SBSPON: variants seen among roughly 807,000 people sequenced by gnomAD.
The protein encoded by SBSPON is somatomedin-B and thrombospondin type-1 domain-containing protein.
A neutral mutation model predicts 35.8 loss-of-function variants in SBSPON; 30 were observed. The observed-to-expected ratio is 0.84, with a 90% CI of 0.63 to 1.14. The LOEUF is 1.14. SBSPON is among the 50% of genes most tolerant of loss of function. SBSPON has a pLI of 0.00. For synonymous variants in SBSPON, 136 were observed against 135.9 expected (o/e 1.00, Z 0.00); for missense variants, 364 against 357.7 (o/e 1.02, Z -0.14).
chr8:73,082,330 C>G (rs1423868266), intron 1 of SBSPON, among the ~76,000 whole-genome samples: 3 of 152,092 alleles, frequency 2.0e-5, no homozygotes, highest in Non-Finnish European at 2.9e-5. Flanking sequence ...TTTTTTTCCC[C>G]TTGAAGTGTG....
chr8:73,073,776 C>T (rs1172382712), intron 2 of SBSPON, among the ~76,000 whole-genome samples: 1 of 151,638 alleles, frequency 6.6e-6, no homozygotes, highest in Non-Finnish European at 1.5e-5. Context: ...TGCACTGCAG[C>T]CTGGGCAACA....
At chr8:73,087,112 C>G (rs1420763740) in intron 1 of SBSPON, among the ~76,000 whole-genome samples, 2 of 152,172 alleles carry the variant, frequency 1.3e-5, no homozygotes, top group Non-Finnish European at 2.9e-5. Context: ...AAGCCTTGCT[C>G]ACTCTGTTGG....
At chr8:73,075,429 T>C (rs1039443365) in intron 2 of SBSPON, among the ~76,000 whole-genome samples, 1 of 152,154 alleles carries the variant, frequency 6.6e-6, no homozygotes, top group South Asian at 2.1e-4. Flanking sequence ...TATTTTTGCC[T>C]CCCGCCACAC....
rs200895006 is a variant in SBSPON, at chr8:73,069,980, A to T, written c.502T>A (p.Tyr168Asn). The stretch of plus-strand genomic sequence containing the variant: ...GACTCTGTCTTAAACTCCATACAGT[A>T]TCTACAGCAAAAGAAGTAACAATGA... ...HWSTHTEDAG[Y>N]CMEFKTESLT... The change falls in exon 4 of 5, where the codon TAC becomes AAC. Residue 168 changes from tyrosine to asparagine, a missense_variant and splice_region_variant. Physicochemically the swap from Tyr to Asn is moderately radical, Grantham distance 143. Coordinates refer to ENST00000297354, the MANE Select transcript of SBSPON (RefSeq NM_153225.4). The T allele has an allele frequency of 5.1e-5, 79 of 1,553,410 alleles. No individual in the cohort carries two copies. Among genetic ancestry groups the T allele is most frequent in the Non-Finnish European group, 6.2e-5 (71 of 1,147,482 alleles).
rs144335973 is a variant in SBSPON, at chr8:73,081,829, A to G, written c.215-616T>C. On this transcript the variant is annotated intron_variant, in intron 1 of 4. Coordinates refer to ENST00000297354, the MANE Select transcript of SBSPON (RefSeq NM_153225.4). The stretch of plus-strand genomic sequence containing the variant: ...TTCTCCATGGCTTGTAGACTCATGA[A>G]CTATGAGGGCTGAAGTTTAGAGATG... Among the ~76,000 whole-genome samples, 177 of 152,280 alleles carry G rather than the reference A, an allele frequency of 1.2e-3. 1 individual carries two copies. Among genetic ancestry groups the G allele is most frequent in the African/African-American group, 4.1e-3 (169 of 41,546 alleles).
chr8:73,070,252 A>G (rs943597604), intron 3 of SBSPON, among the ~76,000 whole-genome samples: 1 of 152,180 alleles, frequency 6.6e-6, no homozygotes, highest in Non-Finnish European at 1.5e-5. Flanking sequence ...AAGTTTGGAT[A>G]TCCTGTATCC....
intron 1 of SBSPON, among the ~76,000 whole-genome samples, chr8:73,082,850 T>C (rs547589776): frequency 6.6e-6 from 1 of 152,354 alleles, no homozygotes; most frequent in South Asian, 2.1e-4. Flanking sequence ...CCTCTTTTCT[T>C]CCACCTTCAG....
intron 2 of SBSPON, among the ~76,000 whole-genome samples, chr8:73,076,733 G>A (rs369351866): frequency 8.6e-5 from 13 of 151,692 alleles, no homozygotes; most frequent in African/African-American, 2.4e-4. Flanking sequence ...GGAGGACGGC[G>A]GCAGTGAGGA....
intron 2 of SBSPON, 44 bp from the exon 3 acceptor site, chr8:73,071,914 T>A (rs200806038): frequency 1.3e-4 from 172 of 1,293,056 alleles, no homozygotes; most frequent in Non-Finnish European, 1.9e-4. Context: ...GCCAAAGTAC[T>A]CAGACCATCG....
At chr8:73,091,479 GA>G (rs1342499329) in intron 1 of SBSPON, among the ~76,000 whole-genome samples, 1 of 152,166 alleles carries the variant, frequency 6.6e-6, no homozygotes, top group Non-Finnish European at 1.5e-5. Context: ...TGGGTCACAG[GA>G]ATTCCATAAT....
At chr8:73,069,734 C>A in intron 4 of SBSPON, 71 bp downstream of exon 4, 1 of 1,295,040 alleles carries the variant, frequency 7.7e-7, no homozygotes. Context: ...GGTCAGCTGT[C>A]TGGACATGGA....
At chr8:73,083,358 T>C (rs1246819354) in intron 1 of SBSPON, among the ~76,000 whole-genome samples, 1 of 152,210 alleles carries the variant, frequency 6.6e-6, no homozygotes, top group Non-Finnish European at 1.5e-5. Flanking sequence ...CTCAGAATTA[T>C]AGGAATAAAG....
chr8:73,081,309 A>T (rs1286266860), intron 1 of SBSPON, 96 bp from the exon 2 acceptor site: 1 of 1,105,338 alleles, frequency 9.0e-7, no homozygotes, highest in African/African-American at 1.6e-5. Flanking sequence ...AGCTCCATGT[A>T]AACTTTGCCT....
rs2129992091 is a variant in SBSPON, at chr8:73,071,801, G to T, written c.479C>A (p.Ser160Tyr). 1 of 1,600,808 alleles carries T rather than the reference G, an allele frequency of 6.2e-7. No individual in the cohort carries two copies. The highest frequency in any genetic ancestry group is 8.6e-7 in the Non-Finnish European group (1 of 1,168,526). The change falls in exon 3 of 5, where the codon TCT becomes TAT. Residue 160 changes from serine (S) to tyrosine (Y), a missense_variant. Coordinates refer to ENST00000297354, the MANE Select transcript of SBSPON (RefSeq NM_153225.4). ...RTRQATSPHW[S>Y]THTEDAGYCM... ...TTACCCAGCATCCTCTGTGTGTGTAGACCAGTGTGGAGACGTAGCTTGTCG... is the reference window on the plus strand; with the variant it reads ...TTACCCAGCATCCTCTGTGTGTGTATACCAGTGTGGAGACGTAGCTTGTCG...
In SBSPON at chr8:73,069,809, CG is replaced by C; in HGVS notation, c.672del (p.Asp225MetfsTer26). On this transcript the variant is annotated frameshift_variant, in exon 4 of 5. Transcript: ENST00000297354. LOFTEE classifies it high-confidence loss of function. Reference sequence around the variant, plus strand: ...TCAGTTAATTTCCATTCTTACCCATCGGAGTCCAGGCCATCTCCAGAACAAC... The same window carrying C: ...TCAGTTAATTTCCATTCTTACCCATCGAGTCCAGGCCATCTCCAGAACAAC... The part of the protein sequence containing the change: ...SLRCSGDGLD[S>X]DGNQTLHWQA... The C allele has an allele frequency of 3.7e-6, 6 of 1,613,030 alleles. No individual in the cohort carries two copies. The highest frequency in any genetic ancestry group is 5.1e-6 in the Non-Finnish European group (6 of 1,179,000).
At chr8:73,073,224 A>G (rs1810530530) in intron 2 of SBSPON, among the ~76,000 whole-genome samples, 1 of 152,228 alleles carries the variant, frequency 6.6e-6, no homozygotes, top group Non-Finnish European at 1.5e-5. Context: ...ACTTCCCTGC[A>G]GTCTTCCGTT....
intron 1 of SBSPON, among the ~76,000 whole-genome samples, chr8:73,090,921 C>T (rs903973039): frequency 2.6e-5 from 4 of 152,316 alleles, no homozygotes; most frequent in East Asian, 1.9e-4. Context: ...ACTATTCTAC[C>T]GCCTAGACTG....
intron 1 of SBSPON, among the ~76,000 whole-genome samples, chr8:73,087,391 T>C (rs934005280): frequency 2.0e-5 from 3 of 152,174 alleles, no homozygotes; most frequent in African/African-American, 7.2e-5. Flanking sequence ...GTGAAGTGCT[T>C]GGGAGAGCGC....
At chr8:73,070,109 AC>A in intron 3 of SBSPON, 128 bp from the exon 4 acceptor site, 1 of 551,150 alleles carries the variant, frequency 1.8e-6, no homozygotes, top group Non-Finnish European at 3.2e-6. Context: ...GTACATCTTC[AC>A]AAGTTACGTG....
Sources: gnomAD v4.1 joint callset for allele counts (sites outside exome capture counted in the v4.1 genomes callset) on GRCh38, gnomAD v4.1.1 for gene constraint, MANE v1.5 for transcripts, NCBI Gene and HGNC (gene_info 2026-07-23, HGNC 2026-07-21) for gene names.